The following RBFOX3 variants were observed in gnomAD, a reference collection of about 807,000 sequenced individuals.
RBFOX3 encodes RNA binding protein fox-1 homolog 3.
Under a neutral mutation model 48.7 loss-of-function variants are expected in RBFOX3, and 17 were observed. The observed-to-expected ratio is 0.35, with a 90% CI of 0.24 to 0.52. RBFOX3 has a LOEUF of 0.52. Ranked by LOEUF, RBFOX3 falls within the 20% of genes least tolerant of loss-of-function variation. The pLI, the probability that RBFOX3 is intolerant of heterozygous loss-of-function variation, is 0.94. For missense variants in RBFOX3, 382 were observed against 497.5 expected (o/e 0.77, Z 2.21); for synonymous variants, 212 against 209.5 (o/e 1.01, Z -0.10).
At chr17:79,296,688 C>T (rs2074396115) in intron 3 of RBFOX3, among the ~76,000 whole-genome samples, 2 of 149,852 alleles carry the variant, frequency 1.3e-5, no homozygotes, top group South Asian at 2.1e-4. Context: ...CTCCCTCCTC[C>T]CCTTCCTCCT....
chr17:79,150,226 C>T (rs1440352093), intron 4 of RBFOX3, among the ~76,000 whole-genome samples: 1 of 151,926 alleles, frequency 6.6e-6, no homozygotes, highest in Non-Finnish European at 1.5e-5. Context: ...GCAGCCACGT[C>T]CCAGGAGACT....
intron 1 of RBFOX3, among the ~76,000 whole-genome samples, chr17:79,544,734 G>A (rs527287448): frequency 9.2e-5 from 14 of 151,924 alleles, no homozygotes; most frequent in Admixed American, 3.3e-4. Flanking sequence ...CCCTGGAGCC[G>A]CCTCCTCGAA....
chr17:79,593,253 T>C (rs2145148950), intron 1 of RBFOX3, among the ~76,000 whole-genome samples: 2 of 152,060 alleles, frequency 1.3e-5, no homozygotes, highest in East Asian at 3.9e-4. Flanking sequence ...CCTTCCTCCT[T>C]CTCCCAGCTC....
At chr17:79,167,966 C>T (rs1224802483) in intron 4 of RBFOX3, among the ~76,000 whole-genome samples, 2 of 152,236 alleles carry the variant, frequency 1.3e-5, no homozygotes, top group African/African-American at 4.8e-5. Flanking sequence ...CCCTTCCCTT[C>T]ACCTCCAACC....
chr17:79,289,397 C>T (rs1226306734), intron 3 of RBFOX3, among the ~76,000 whole-genome samples: 8 of 152,240 alleles, frequency 5.3e-5, no homozygotes, highest in South Asian at 2.1e-4. Context: ...CACTGGGACC[C>T]GGCAGCCTCG....
upstream of RBFOX3, among the ~76,000 whole-genome samples, chr17:79,614,573 G>A (rs1399055904): frequency 6.6e-6 from 1 of 152,188 alleles, no homozygotes; most frequent in Admixed American, 6.5e-5. Context: ...GAGCGGGGCC[G>A]ACTTCGAGGA....
At chr17:79,329,560 G>A (rs1364575241) in intron 2 of RBFOX3, among the ~76,000 whole-genome samples, 2 of 152,038 alleles carry the variant, frequency 1.3e-5, no homozygotes, top group African/African-American at 2.4e-5. Flanking sequence ...ATTCCACACC[G>A]TGCCCTCTCC....
At chr17:79,646,414 A>G in the RBFOX3 span, among the ~76,000 whole-genome samples, 1 of 152,218 alleles carries the variant, frequency 6.6e-6, no homozygotes, top group African/African-American at 2.4e-5. Context: ...TAAAGAAAAG[A>G]GGTTTAATGA....
At chr17:79,409,852 AC>A (rs533288756) in intron 2 of RBFOX3, among the ~76,000 whole-genome samples, 24 of 150,822 alleles carry the variant, frequency 1.6e-4, no homozygotes, top group South Asian at 6.3e-4. Context: ...TCTGAGAGAC[AC>A]CCCCCCATCC....
the RBFOX3 span, among the ~76,000 whole-genome samples, chr17:79,656,907 A>AGGAAGGAG: frequency 1.3e-4 from 19 of 151,328 alleles, no homozygotes; most frequent in African/African-American, 4.4e-4. Context: ...GAAGGAAGGA[A>AGGAAGGAG]GGAAGGAAGG....
intron 4 of RBFOX3, among the ~76,000 whole-genome samples, chr17:79,213,434 G>C (rs2058634320): frequency 6.6e-6 from 1 of 152,194 alleles, no homozygotes; most frequent in African/African-American, 2.4e-5. Flanking sequence ...CTGCTACCAG[G>C]ACCTAAATCC....
chr17:79,339,970 T>C (rs2081801185), intron 2 of RBFOX3, among the ~76,000 whole-genome samples: 1 of 152,182 alleles, frequency 6.6e-6, no homozygotes, highest in African/African-American at 2.4e-5. Flanking sequence ...GTTCTCCCTC[T>C]GTCTTTCAGA....
At chr17:79,595,273 C>T (rs1415121471) in intron 1 of RBFOX3, among the ~76,000 whole-genome samples, 1 of 152,196 alleles carries the variant, frequency 6.6e-6, no homozygotes, top group Non-Finnish European at 1.5e-5. Flanking sequence ...GGAGAGCAGA[C>T]TTGGGTCCCC....
intron 3 of RBFOX3, among the ~76,000 whole-genome samples, chr17:79,253,818 T>C (rs1951424871): frequency 6.6e-6 from 1 of 152,192 alleles, no homozygotes; most frequent in Non-Finnish European, 1.5e-5. Flanking sequence ...TAGAGGGTTT[T>C]CACATGCCAT....
intron 4 of RBFOX3, among the ~76,000 whole-genome samples, chr17:79,142,844 T>C (rs796401396): frequency 3.9e-5 from 6 of 152,274 alleles, no homozygotes; most frequent in Admixed American, 3.3e-4. Flanking sequence ...CCAAGAGCCA[T>C]GTTCAAGGAT....
intron 4 of RBFOX3, among the ~76,000 whole-genome samples, chr17:79,118,984 A>AT (rs1568165689): frequency 6.9e-6 from 1 of 145,746 alleles, no homozygotes; most frequent in Non-Finnish European, 1.5e-5. Context: ...TCAAAAAAAA[A>AT]AAAAAAAAAT....
chr17:79,222,157 ATTTCTACC>A lies in RBFOX3; in HGVS notation c.-34+13601_-34+13608del, dbSNP rs1288349359. 2.6e-5 allele frequency among the ~76,000 whole-genome samples: 4 copies of A among 151,684 alleles called. No individual in the cohort carries two copies. In the South Asian group the frequency reaches 6.2e-4, roughly 24 times the overall value. On this transcript the variant is annotated intron_variant, in intron 4 of 14. Transcript: ENST00000693108. ...CAGCCTGATTTCTACCTGCTGCCTG[ATTTCTACC>A]TGCAGCCTGATTTCTACCTGCAGCC...
intron 1 of RBFOX3, among the ~76,000 whole-genome samples, chr17:79,507,994 G>T (rs1223304746): frequency 6.6e-6 from 1 of 152,208 alleles, no homozygotes; most frequent in Non-Finnish European, 1.5e-5. Flanking sequence ...GACCTGAATG[G>T]GGCTTAGGAA....
chr17:79,187,728 C>T (rs375119410), intron 4 of RBFOX3, among the ~76,000 whole-genome samples: 1 of 152,130 alleles, frequency 6.6e-6, no homozygotes, highest in Admixed American at 6.5e-5. Flanking sequence ...ATTAATGTCC[C>T]AATTCAGCAG....
Sources: gnomAD v4.1 joint callset for allele counts (sites outside exome capture counted in the v4.1 genomes callset) on GRCh38, gnomAD v4.1.1 for gene constraint, MANE v1.5 for transcripts, NCBI Gene and HGNC (gene_info 2026-07-23, HGNC 2026-07-21) for gene names.